The following CFAP57 variants were observed in gnomAD, a reference collection of about 807,000 sequenced individuals.
CFAP57 encodes the protein cilia and flagella associated protein 57.
Under a neutral mutation model 146.8 loss-of-function variants are expected in CFAP57, and 116 were observed. That is an observed-to-expected ratio of 0.79 (90% confidence interval 0.68 to 0.92). The LOEUF is 0.92. CFAP57 is among the 40% of genes least tolerant of loss of function. The pLI is 0.00. For missense variants in CFAP57, 1,377 were observed against 1,527.2 expected, an observed-to-expected ratio of 0.90 and a Z score of 1.64; for synonymous variants, 518 against 552.8, an observed-to-expected ratio of 0.94 and a Z score of 0.88.
At chr1:43,185,104 C>A in intron 4 of CFAP57, 45 bp from the exon 5 acceptor site, 1 of 1,602,862 alleles carries the variant, frequency 6.2e-7, no homozygotes, top group South Asian at 1.1e-5. Flanking sequence ...TTCATCTCCT[C>A]AAGATTGTCT....
At chr1:43,190,867 T>C (rs1297558406) in intron 6 of CFAP57, among the ~76,000 whole-genome samples, 1 of 152,186 alleles carries the variant, frequency 6.6e-6, no homozygotes, top group Admixed American at 6.5e-5. Flanking sequence ...TTCATATTAG[T>C]ATATTCAATT....
rs1645272086 is a variant in CFAP57, at chr1:43,227,024, AG to A, written c.2910del (p.Lys971AsnfsTer10). 5.9e-6 allele frequency: 9 copies of A among 1,532,630 alleles called. No homozygotes were observed. Among genetic ancestry groups the A allele is most frequent in the Non-Finnish European group, 7.0e-6 (8 of 1,140,878 alleles). The allele number at this position is 1,532,630 out of a possible 1,614,324, so 94.9% of individuals were successfully genotyped here. A position where few individuals can be genotyped will look rare whatever the true frequency, so the allele number is the denominator to read the frequency against. ...ATCTGAAAAAGAAAAATCAAGAACT[AG>A]GGAAATTCAAGTTTGTGCTTGACTA... ...YDLKKKNQEL[G>X]KFKFVLDYKI... On this transcript the variant is annotated frameshift_variant, in exon 18 of 23. Transcript: ENST00000372492. LOFTEE classifies it high-confidence loss of function.
At chr1:43,203,691 C>T (rs1374547989) in intron 9 of CFAP57, among the ~76,000 whole-genome samples, 1 of 152,098 alleles carries the variant, frequency 6.6e-6, no homozygotes, top group African/African-American at 2.4e-5. Flanking sequence ...GATCTCTTCA[C>T]CTCATGATCC....
intron 18 of CFAP57, among the ~76,000 whole-genome samples, chr1:43,228,294 G>T (rs1156304440): frequency 2.0e-5 from 3 of 152,222 alleles, no homozygotes; most frequent in Non-Finnish European, 4.4e-5. Flanking sequence ...TGCTGCCTCT[G>T]CCTGGAAGGC....
chr1:43,172,849 T>A lies in CFAP57; in HGVS notation c.96T>A (p.Phe32Leu). 6.2e-7 allele frequency: 1 copy of A among 1,614,156 alleles called. No individual in the cohort carries two copies. Among genetic ancestry groups the A allele is most frequent in the East Asian group, 2.2e-5 (1 of 44,884 alleles). The change falls in exon 2 of 23, where the codon TTT becomes TTA. Residue 32 changes from phenylalanine to leucine, a missense_variant. Phe to Leu is a conservative substitution (Grantham distance 22, BLOSUM62 0). Transcript: ENST00000372492. ...ACTTCGATGAACAGATCATTATATT[T>A]CCTTCAGGAAATCACTGTGTGAAGT... ...IFYFDEQIII[F>L]PSGNHCVKYN...
chr1:43,235,664 C>T (rs993841158), intron 21 of CFAP57, among the ~76,000 whole-genome samples: 6 of 152,154 alleles, frequency 3.9e-5, no homozygotes, highest in Admixed American at 1.3e-4. Flanking sequence ...TGAAAGCCAT[C>T]GGAGGCCCAG....
intron 9 of CFAP57, among the ~76,000 whole-genome samples, chr1:43,205,850 T>G (rs1644336424): frequency 6.6e-6 from 1 of 152,126 alleles, no homozygotes; most frequent in Admixed American, 6.5e-5. Flanking sequence ...AGCAGTGAAG[T>G]TTCTGGAGCT....
intron 6 of CFAP57, among the ~76,000 whole-genome samples, chr1:43,191,811 T>TC (rs397784356): frequency 3.0e-4 from 45 of 151,702 alleles, no homozygotes; most frequent in African/African-American, 9.9e-4. Context: ...TTTTTTTTTT[T>TC]CCAGTGTCTT....
chr1:43,223,446 G>A (rs1645128142), intron 16 of CFAP57, among the ~76,000 whole-genome samples: 1 of 152,186 alleles, frequency 6.6e-6, no homozygotes. Flanking sequence ...AGGTGGGAGA[G>A]GGAATGGGGG....
intron 7 of CFAP57, 42 bp downstream of exon 7, chr1:43,197,734 C>T (rs1275022990): frequency 1.9e-6 from 3 of 1,609,960 alleles, no homozygotes; most frequent in African/African-American, 1.3e-5. Context: ...TGCAAGACCC[C>T]AGTTGTGAAT....
intron 6 of CFAP57, 50 bp downstream of exon 6, chr1:43,186,909 T>C (rs1643166471): frequency 1.2e-6 from 2 of 1,610,896 alleles, no homozygotes; most frequent in Non-Finnish European, 1.7e-6. Context: ...ATCTGCCTGC[T>C]GGGGGACTAG....
chr1:43,226,128 G>A (rs886143904), intron 17 of CFAP57, among the ~76,000 whole-genome samples: 8 of 152,202 alleles, frequency 5.3e-5, no homozygotes, highest in Non-Finnish European at 2.9e-5. Context: ...AGCCAAGATC[G>A]TGCCACTGCG....
chr1:43,254,236 G>A lies in CFAP57; in HGVS notation c.*45G>A. 2 of 1,499,476 alleles carry A rather than the reference G, an allele frequency of 1.3e-6. No homozygotes were observed. The highest frequency in any genetic ancestry group is 1.8e-6 in the Non-Finnish European group (2 of 1,113,634). The allele number at this position is 1,499,476 out of a possible 1,614,324, so 92.9% of individuals were successfully genotyped here. On this transcript the variant is annotated 3_prime_UTR_variant, in exon 23 of 23. Transcript: ENST00000372492. ...TCCAGCCACAGCCAGAAGAAACACA[G>A]CATGTCTGTCCCCAAGCCAGACTTG...
At position 43,184,975 on chromosome 1, in the gene CFAP57, C is replaced by T. The variant is rs1642936788; in HGVS notation, c.762-174C>T. On this transcript the variant is annotated intron_variant, in intron 4 of 22. Transcript: ENST00000372492. ...AGCACTCTCTTGCTTCTAGGCTTGG[C>T]CATGTGCAGTTTGTGTACGGTTCCC... 17 of 680,292 alleles carry T rather than the reference C, an allele frequency of 2.5e-5. No homozygotes were observed. In the South Asian group the frequency reaches 2.7e-4, roughly 11 times the overall value. 42.1% of individuals were successfully genotyped at this position (680,292 alleles called of 1,614,324 possible).
intron 2 of CFAP57, among the ~76,000 whole-genome samples, chr1:43,178,900 G>A (rs1340158270): frequency 3.3e-5 from 5 of 152,118 alleles, no homozygotes; most frequent in South Asian, 4.2e-4. Flanking sequence ...GTCCATCAAC[G>A]ATAGACTGGA....
chr1:43,172,541 G>T (rs1251986372), intron 1 of CFAP57, 88 bp downstream of exon 1: 1 of 1,212,850 alleles, frequency 8.2e-7, no homozygotes, highest in Non-Finnish European at 1.1e-6. Flanking sequence ...CGCGGGGGTG[G>T]GGTGGCGCGG....
chr1:43,242,453 TTGGATGGA>T (rs56071451), intron 21 of CFAP57, among the ~76,000 whole-genome samples: 18 of 151,590 alleles, frequency 1.2e-4, no homozygotes, highest in Admixed American at 7.9e-4. Flanking sequence ...GAATGGTTGG[TTGGATGGA>T]TGGATGGATG....
rs1645424100 is a variant in CFAP57, at chr1:43,181,865, G to A, written c.474+15G>A. On this transcript the variant is annotated intron_variant, in intron 3 of 22. Transcript: ENST00000372492. ...CTGTCTACCAGGTACCTAGTAGTGT[G>A]ACAAGTATCGTGAAAATTATAAAAA... The A allele has an allele frequency of 1.2e-6, 2 of 1,612,990 alleles. No homozygotes were observed. The highest frequency in any genetic ancestry group is 1.7e-6 in the Non-Finnish European group (2 of 1,179,000).
At chr1:43,208,272 C>T (rs1644440509) in intron 10 of CFAP57, among the ~76,000 whole-genome samples, 3 of 152,140 alleles carry the variant, frequency 2.0e-5, no homozygotes, top group Admixed American at 2.0e-4. Flanking sequence ...ACTAGAAATA[C>T]CATTTGACCC....
Sources: gnomAD v4.1 joint callset for allele counts (sites outside exome capture counted in the v4.1 genomes callset) on GRCh38, gnomAD v4.1.1 for gene constraint, MANE v1.5 for transcripts, NCBI Gene and HGNC (gene_info 2026-07-23, HGNC 2026-07-21) for gene names.